Variants in DNAH6 observed in about 807,000 individuals in gnomAD.
DNAH6 encodes axonemal beta dynein heavy chain 6.
A neutral mutation model predicts 491.4 loss-of-function variants in DNAH6; 340 were observed. The observed-to-expected ratio is 0.69, with a 90% CI of 0.63 to 0.76. DNAH6 has a LOEUF of 0.76. DNAH6 is among the 30% of genes least tolerant of loss of function. DNAH6 has a pLI of 0.00. For synonymous variants in DNAH6, 1,603 were observed against 1,686.1 expected, an observed-to-expected ratio of 0.95 and a Z score of 1.21; for missense variants, 4,443 against 4,972.2, an observed-to-expected ratio of 0.89 and a Z score of 3.20.
intron 11 of DNAH6, among the ~76,000 whole-genome samples, chr2:84,558,295 GCGGGTGCCTGT>G (rs1373694271): frequency 1.3e-5 from 2 of 151,934 alleles, no homozygotes; most frequent in African/African-American, 4.8e-5. Flanking sequence ...AGGCGTGGTG[GCGGGTGCCTGT>G]AGTCCCAACT....
intron 37 of DNAH6, among the ~76,000 whole-genome samples, chr2:84,666,312 G>A (rs1356309423): frequency 3.3e-5 from 5 of 152,128 alleles, no homozygotes; most frequent in Non-Finnish European, 7.4e-5. Context: ...AAGTCAAATT[G>A]TCCCTGTTTG....
chr2:84,777,659 CTG>C (rs142184070), intron 64 of DNAH6: 26,877 of 813,168 alleles, frequency 0.033, 621 homozygotes, highest in Middle Eastern at 0.069. Context: ...TACAGGCACA[CTG>C]GAATCTCCAC....
At position 84,624,905 on chromosome 2, in the gene DNAH6, C is replaced by T. The variant is rs984745366; in HGVS notation, c.4357C>T (p.Arg1453Cys). The T allele has an allele frequency of 4.5e-6, 7 of 1,545,542 alleles. No individual in the cohort carries two copies. The Admixed American group carries it at 6.0e-5, about 13-fold the overall frequency. ...GATAATGCATTGCTTTCTTCAGGATCGCTGCTATCTTTGCCTCATGGGAGC... is the reference window on the plus strand; with the variant it reads ...GATAATGCATTGCTTTCTTCAGGATTGCTGCTATCTTTGCCTCATGGGAGC... Reference protein sequence around the residue: ...PRLVITPLTDRCYLCLMGALQ... With the variant: ...PRLVITPLTDCCYLCLMGALQ... The change falls in exon 29 of 77, where the codon CGC (arginine) becomes TGC (cysteine). Residue 1453 changes from arginine (R) to cysteine (C), a missense_variant. Transcript: ENST00000389394.
chr2:84,520,142 T>A (rs73945103), intron 2 of DNAH6, among the ~76,000 whole-genome samples: 1,738 of 152,112 alleles, frequency 0.011, 33 homozygotes, highest in African/African-American at 0.04. Flanking sequence ...CTGTGAGTGG[T>A]GTTGTGGAGT....
intron 60 of DNAH6, among the ~76,000 whole-genome samples, chr2:84,726,462 C>G (rs1420184454): frequency 6.6e-6 from 1 of 152,122 alleles, no homozygotes; most frequent in Non-Finnish European, 1.5e-5. Context: ...CAGCTTGGGA[C>G]CTTTAGAAAT....
chr2:84,483,231 T>C, the DNAH6 span, among the ~76,000 whole-genome samples: 2 of 152,154 alleles, frequency 1.3e-5, no homozygotes, highest in African/African-American at 4.8e-5. Context: ...CCCAAAGTGC[T>C]GGGATTACAC....
the DNAH6 span, among the ~76,000 whole-genome samples, chr2:84,475,372 A>G: frequency 6.6e-6 from 1 of 152,234 alleles, no homozygotes; most frequent in Non-Finnish European, 1.5e-5. Context: ...ATTTCCCAAA[A>G]GCAGTCCATC....
Position 84,670,475 on chromosome 2 carries a change from G to T in DNAH6, c.6454G>T (p.Gly2152Ter). 1 of 1,510,732 alleles carries T rather than the reference G, an allele frequency of 6.6e-7. No individual in the cohort carries two copies. The allele number at this position is 1,510,732 out of a possible 1,614,324, so 93.6% of individuals were successfully genotyped here. ...GGAGAGAAAAAGAAAAAATATTCTA[G>T]GTAAGAATCATTATTTTAGTTTGTC... is the stretch of plus-strand genomic sequence containing the variant. Reference protein sequence around the residue: ...KLERKRKNILGAPGNKRIVIF... With the variant: ...KLERKRKNIL Residue 2152 changes from glycine (G) to a stop codon, truncating the protein, a stop_gained and splice_region_variant, in exon 39 of 77, where the codon GGA becomes TGA. Coordinates refer to ENST00000389394, the MANE Select transcript of DNAH6 (RefSeq NM_001370.2). LOFTEE classifies it high-confidence loss of function.
chr2:84,496,532 G>A, the DNAH6 span, among the ~76,000 whole-genome samples: 1 of 152,048 alleles, frequency 6.6e-6, no homozygotes, highest in Non-Finnish European at 1.5e-5. Flanking sequence ...CTAAACCAGA[G>A]ATATTCATGT....
Position 84,605,952 on chromosome 2 carries a change from A to C in DNAH6, c.3174+360A>C, listed in dbSNP as rs149448439. On this transcript the variant is annotated intron_variant, in intron 20 of 76. Coordinates refer to ENST00000389394, the MANE Select transcript of DNAH6 (RefSeq NM_001370.2). ...TGGGATTTGAAAGACTTAGAAAAAA[A>C]AATAAAGGGCACTTCAAACCCTGTA... is the stretch of plus-strand genomic sequence containing the variant. 7.4e-3 allele frequency among the ~76,000 whole-genome samples: 1,124 copies of C among 152,338 alleles called. 14 individuals carry two copies. Among genetic ancestry groups the C allele is most frequent in the Non-Finnish European group, 8.4e-3 (572 of 68,032 alleles).
chr2:84,606,374 A>G (rs2104299617), intron 20 of DNAH6, among the ~76,000 whole-genome samples: 1 of 152,314 alleles, frequency 6.6e-6, no homozygotes, highest in South Asian at 2.1e-4. Flanking sequence ...TCTACTCTCA[A>G]AAAGCTTATA....
At chr2:84,507,840 T>A in the DNAH6 span, among the ~76,000 whole-genome samples, 69 of 152,114 alleles carry the variant, frequency 4.5e-4, no homozygotes, top group East Asian at 3.8e-4. Flanking sequence ...GGTTTTTGTC[T>A]TTGGTTCTGT....
Position 84,787,181 on chromosome 2 carries a change from C to T in DNAH6, c.11118C>T (p.Gly3706=). 6.6e-7 allele frequency: 1 copy of T among 1,515,080 alleles called. No individual in the cohort carries two copies. Among genetic ancestry groups the T allele is most frequent in the Non-Finnish European group, 8.8e-7 (1 of 1,130,494 alleles). 93.9% of individuals were successfully genotyped at this position (1,515,080 alleles called of 1,614,324 possible). The stretch of plus-strand genomic sequence containing the variant: ...CATTTTAGGAGAGAAAGAAGTTTGG[C>T]CCCCTTGGTTGGAATATCTGCTATG... ...HAIIQERKKF[G]PLGWNICYEF... is the part of the protein sequence containing the mutation. Residue 3706 remains glycine, a synonymous_variant, in exon 68 of 77, where the codon GGC becomes GGT. Transcript: ENST00000389394.
At chr2:84,509,897 T>A in the DNAH6 span, among the ~76,000 whole-genome samples, 2 of 152,248 alleles carry the variant, frequency 1.3e-5, no homozygotes, top group Non-Finnish European at 2.9e-5. Context: ...ATGTTGAATA[T>A]TGGCCCCCAC....
chr2:84,730,984 G>A (rs1368534545), intron 61 of DNAH6, among the ~76,000 whole-genome samples: 5 of 152,146 alleles, frequency 3.3e-5, no homozygotes, highest in African/African-American at 1.2e-4. Flanking sequence ...GAGGATCTTC[G>A]CATACTGGCT....
chr2:84,487,734 T>C, the DNAH6 span, among the ~76,000 whole-genome samples: 1 of 152,178 alleles, frequency 6.6e-6, no homozygotes, highest in Non-Finnish European at 1.5e-5. Context: ...ATTTCACAAA[T>C]ATTTGGGCCC....
intron 64 of DNAH6, among the ~76,000 whole-genome samples, chr2:84,773,957 C>T (rs1675882151): frequency 6.6e-6 from 1 of 151,688 alleles, no homozygotes; most frequent in South Asian, 2.1e-4. Context: ...AATTAACTTT[C>T]TTATAGATTC....
At position 84,605,542 on chromosome 2, in the gene DNAH6, C is replaced by T; in HGVS notation, c.3124C>T (p.His1042Tyr). ...WKTTEFVILP[H>Y]RDSKDVFILG... ...AACAACTGAATTTGTCATTCTGCCT[C>T]ACCGTGACTCCAAAGATGTGTTTAT... Residue 1042 changes from histidine to tyrosine, a missense_variant, in exon 20 of 77, where the codon CAC (histidine) becomes TAC (tyrosine). This residue lies in a region of DNAH6 where 2,977 missense variants were observed against 3,296.6 expected (regional missense o/e 0.90). Coordinates refer to ENST00000389394, the MANE Select transcript of DNAH6 (RefSeq NM_001370.2). 6.4e-7 allele frequency: 1 copy of T among 1,551,552 alleles called. No homozygotes were observed. The highest frequency in any genetic ancestry group is 8.7e-7 in the Non-Finnish European group (1 of 1,146,908).
chr2:84,619,951 C>A, intron 24 of DNAH6, 47 bp downstream of exon 24: 1 of 1,438,108 alleles, frequency 7.0e-7, no homozygotes, highest in Non-Finnish European at 9.5e-7. Context: ...CTTTGCTACT[C>A]CTCTAGGGTT....
Sources: allele counts gnomAD v4.1 joint callset (sites outside exome capture counted in the v4.1 genomes callset), GRCh38; gene constraint gnomAD v4.1.1; regional missense constraint gnomAD v4.1.1; transcripts MANE v1.5; gene names NCBI Gene and HGNC (gene_info 2026-07-23, HGNC 2026-07-21).